GIGYF2: variants seen among roughly 807,000 people sequenced by gnomAD.
The protein encoded by GIGYF2 is GRB10 interacting GYF protein 2.
GIGYF2 carries 25 observed loss-of-function variants against 208.1 expected under a neutral mutation model. That is an observed-to-expected ratio of 0.12 (90% CI 0.09 to 0.17). GIGYF2 has a LOEUF of 0.17. GIGYF2 is among the 10% of genes least tolerant of loss of function. The pLI, the probability that GIGYF2 is intolerant of heterozygous loss-of-function variation, is 1.00. For synonymous variants in GIGYF2, 534 were observed against 543.8 expected (o/e 0.98, Z 0.25); for missense variants, 1,302 against 1,579.4 (o/e 0.82, Z 2.98).
rs368592394 is a variant in GIGYF2 at position 232,790,813 on chromosome 2, G to C, written c.828G>C (p.Gly276=). 196 of 1,613,964 alleles carry C rather than the reference G, an allele frequency of 1.2e-4. 1 individual carries two copies. The highest frequency in any genetic ancestry group is 1.6e-4 in the Non-Finnish European group (189 of 1,179,970). Reference sequence around the variant, plus strand: ...ACCGAAGGGTTCGCTCTGGCAGTGGGAGCATAGATGATGACAGGGATAGCT... The same window carrying C: ...ACCGAAGGGTTCGCTCTGGCAGTGGCAGCATAGATGATGACAGGGATAGCT... The part of the protein sequence containing the change: ...RGYRRVRSGS[G]SIDDDRDSLP... Residue 276 remains glycine (G), a synonymous_variant, in exon 10 of 29, where the codon GGG becomes GGC. Coordinates refer to ENST00000373563, the MANE Select transcript of GIGYF2 (RefSeq NM_001103146.3).
chr2:232,737,697 C>T lies in GIGYF2; in HGVS notation c.41+2459C>T, dbSNP rs116114970. On this transcript the variant is annotated intron_variant, in intron 3 of 28. Transcript: ENST00000373563. Reference sequence around the variant, plus strand: ...GAATCAGGATTTAGATTGTTAACATCGAACCAGTGTGCAATTAACTCTAAA... The same window carrying T: ...GAATCAGGATTTAGATTGTTAACATTGAACCAGTGTGCAATTAACTCTAAA... 5.1e-3 allele frequency among the ~76,000 whole-genome samples: 783 copies of T among 152,096 alleles called. 12 individuals carry two copies. Among genetic ancestry groups the T allele is most frequent in the African/African-American group, 0.018 (760 of 41,490 alleles).
chr2:232,849,425 A>G (rs556633099), intron 27 of GIGYF2, among the ~76,000 whole-genome samples: 23 of 152,172 alleles, frequency 1.5e-4, no homozygotes, highest in African/African-American at 4.8e-4. Context: ...CAGCCTCCCA[A>G]AGTGCTGGGA....
intron 1 of GIGYF2, among the ~76,000 whole-genome samples, chr2:232,701,516 A>G (rs1386579720): frequency 1.3e-5 from 2 of 150,968 alleles, no homozygotes; most frequent in Non-Finnish European, 3.0e-5. Flanking sequence ...TGTAACCTCA[A>G]TCTCCCAGGC....
intron 28 of GIGYF2, among the ~76,000 whole-genome samples, chr2:232,851,023 A>G (rs1690293303): frequency 2.0e-5 from 3 of 152,140 alleles, no homozygotes; most frequent in South Asian, 2.1e-4. Flanking sequence ...ACCCACGGCT[A>G]TTTTTATCTA....
intron 1 of GIGYF2, among the ~76,000 whole-genome samples, chr2:232,697,851 T>A (rs1347515923): frequency 1.3e-5 from 2 of 152,156 alleles, no homozygotes; most frequent in African/African-American, 4.8e-5. Context: ...AGACAGCTGC[T>A]CCTGCCGGCT....
At chr2:232,752,682 A>G (rs1476324906) in intron 5 of GIGYF2, among the ~76,000 whole-genome samples, 2 of 152,028 alleles carry the variant, frequency 1.3e-5, no homozygotes, top group Non-Finnish European at 2.9e-5. Flanking sequence ...CTGGGACTAT[A>G]GGTGCCCACC....
In GIGYF2 at chr2:232,806,566, C is replaced by T. The variant is rs758445866; in HGVS notation, c.1715C>T (p.Ala572Val). ...ACTATGTCTTTATTGGTGAAGAGAG[C>T]GTGTGATGAAAGCTTCCAACCTCTT... ...YFTMSLLVKR[A>V]CDESFQPLGD... Residue 572 changes from alanine (A) to valine (V), a missense_variant, in exon 15 of 29, where the codon GCG (alanine) becomes GTG (valine). This residue lies in a region of GIGYF2 where 69 missense variants were observed against 132.8 expected (regional missense o/e 0.52). Coordinates refer to ENST00000373563, the MANE Select transcript of GIGYF2 (RefSeq NM_001103146.3). The surrounding 1 kb of genome is among the most constrained non-coding windows in gnomAD (Gnocchi z 4.0). 6.2e-6 allele frequency: 10 copies of T among 1,608,560 alleles called. No homozygotes were observed. In the South Asian group the frequency reaches 7.7e-5, roughly 12 times the overall value.
At chr2:232,734,948 G>T (rs554885252) in intron 2 of GIGYF2, among the ~76,000 whole-genome samples, 1 of 152,258 alleles carries the variant, frequency 6.6e-6, no homozygotes, top group Admixed American at 6.5e-5. Context: ...GATTAACATA[G>T]AAAGGTGGGG....
intron 2 of GIGYF2, among the ~76,000 whole-genome samples, chr2:232,712,149 T>A (rs752846373): frequency 1.4e-3 from 215 of 152,284 alleles, no homozygotes; most frequent in Non-Finnish European, 1.9e-3. Flanking sequence ...CTGAATTGTT[T>A]TTGTTGAAGT....
At chr2:232,723,453 CAG>C (rs1218548300) in intron 2 of GIGYF2, among the ~76,000 whole-genome samples, 12 of 135,154 alleles carry the variant, frequency 8.9e-5, no homozygotes, top group African/African-American at 3.0e-4. Flanking sequence ...TTTTTTGAGA[CAG>C]AGTCTCGCTC....
intron 14 of GIGYF2, among the ~76,000 whole-genome samples, chr2:232,802,836 T>G (rs527514020): frequency 6.6e-6 from 1 of 152,258 alleles, no homozygotes; most frequent in Non-Finnish European, 1.5e-5. Flanking sequence ...AGTTTTTCCT[T>G]AAATGTTTGG....
Position 232,836,306 on chromosome 2 carries a change from AT to A in GIGYF2, c.2766+3214del, listed in dbSNP as rs1701612219. Among the ~76,000 whole-genome samples the A allele has an allele frequency of 5.3e-3, 106 of 20,156 alleles. 16 individuals are homozygous for A. Among genetic ancestry groups the A allele is most frequent in the African/African-American group, 0.014 (83 of 6,016 alleles). 13.2% of individuals were successfully genotyped at this position (20,156 alleles called of 152,430 possible). On this transcript the variant is annotated intron_variant, in intron 22 of 28. Coordinates refer to ENST00000373563, the MANE Select transcript of GIGYF2 (RefSeq NM_001103146.3). ...TATATATATATATATATATATATAT[AT>A]ATATATATATATATATATATATACA...
chr2:232,747,760 AAG>A lies in GIGYF2; in HGVS notation c.171+19_171+20del. On this transcript the variant is annotated intron_variant, in intron 4 of 28. Coordinates refer to ENST00000373563, the MANE Select transcript of GIGYF2 (RefSeq NM_001103146.3). Reference sequence around the variant, plus strand: ...AGACAACAAGGTAAGAAAGTAGGAAAAGAGTTCAAAATTGTGAATGAGACTTT... The same window carrying A: ...AGACAACAAGGTAAGAAAGTAGGAAAAGTTCAAAATTGTGAATGAGACTTT... The A allele has an allele frequency of 1.2e-6, 2 of 1,611,280 alleles. No individual in the cohort carries two copies. Among genetic ancestry groups the A allele is most frequent in the Non-Finnish European group, 1.7e-6 (2 of 1,178,100 alleles).
chr2:232,798,937 TCCTCCAGTCCCTGGCAATTACCATTG>T (rs1173072191), intron 14 of GIGYF2, among the ~76,000 whole-genome samples: 1 of 150,610 alleles, frequency 6.6e-6, no homozygotes, highest in Non-Finnish European at 1.5e-5. Flanking sequence ...GTTCCTCATT[TCCTCCAGTCCCTGGCAATTACCATTG>T]CCAGGGACTG....
In GIGYF2 at chr2:232,794,864, A is replaced by G; in HGVS notation, c.1399A>G (p.Thr467Ala). Residue 467 changes from threonine to alanine, a missense_variant, in exon 13 of 29, where the codon ACA becomes GCA. Around this residue, in one of 8 missense-constraint regions of GIGYF2, gnomAD observed 235 missense variants for 218.8 expected, o/e 1.07. Transcript: ENST00000373563. ...TAGTCCTACTCTCCGGCCAGTTGAA[A>G]CACCAGTTGTAGGTGCTCCTGGTAT... ...NPSPTLRPVE[T>A]PVVGAPGMGS... 1 of 1,613,916 alleles carries G rather than the reference A, an allele frequency of 6.2e-7. No individual in the cohort carries two copies.
rs1357381584 is a variant in GIGYF2 at position 232,714,932 on chromosome 2, TCTCCACC to T, written c.-44+11454_-44+11460del. 5.3e-5 allele frequency among the ~76,000 whole-genome samples: 8 copies of T among 152,272 alleles called. 1 individual carries two copies. In the South Asian group the frequency reaches 1.7e-3, roughly 32 times the overall value. The stretch of plus-strand genomic sequence containing the variant: ...TTCCCGATCCTCTCCCTTCTCCCAC[TCTCCACC>T]CTCCACCCTCTGAGAGGCCTCAGTG... On this transcript the variant is annotated intron_variant, in intron 2 of 28. Coordinates refer to ENST00000373563, the MANE Select transcript of GIGYF2 (RefSeq NM_001103146.3).
chr2:232,749,508 T>A (rs1050989127), intron 5 of GIGYF2, among the ~76,000 whole-genome samples: 4 of 152,042 alleles, frequency 2.6e-5, no homozygotes, highest in African/African-American at 9.7e-5. Context: ...TGTGTGTGTG[T>A]GTGTCTGTGT....
intron 2 of GIGYF2, among the ~76,000 whole-genome samples, chr2:232,727,531 G>A (rs1697258309): frequency 6.6e-6 from 1 of 152,184 alleles, no homozygotes; most frequent in South Asian, 2.1e-4. Context: ...GAGTAATTAT[G>A]AACTTGGAGG....
At chr2:232,801,327 G>A (rs1473177062) in intron 14 of GIGYF2, among the ~76,000 whole-genome samples, 2 of 151,980 alleles carry the variant, frequency 1.3e-5, no homozygotes, top group African/African-American at 2.4e-5. Context: ...CCAAGAGTTC[G>A]AGACCAGCCT....
Sources: gnomAD v4.1 joint callset for allele counts (sites outside exome capture counted in the v4.1 genomes callset) on GRCh38, gnomAD v4.1.1 for gene constraint, gnomAD v4.1.1 regional missense constraint, Gnocchi (gnomAD v3.1) non-coding constraint, MANE v1.5 for transcripts, NCBI Gene and HGNC (gene_info 2026-07-23, HGNC 2026-07-21) for gene names.